PTPRD: variants seen among roughly 807,000 people sequenced by gnomAD.
PTPRD encodes receptor-type tyrosine-protein phosphatase delta.
A neutral mutation model predicts 214.5 loss-of-function variants in PTPRD; 34 were observed. The ratio of observed to expected loss-of-function variants is 0.16; its 90% CI spans 0.12 to 0.21. PTPRD has a LOEUF of 0.21. Among genes scored for constraint, PTPRD ranks in the 10% least tolerant of loss-of-function variants. The pLI is 1.00. For missense variants in PTPRD, 2,545 were observed against 2,398.7 expected (o/e 1.06, Z -1.27); for synonymous variants, 1,128 against 845.7 (o/e 1.33, Z -5.79).
intron 8 of PTPRD, among the ~76,000 whole-genome samples, chr9:9,459,628 C>G (rs2093441980): frequency 6.6e-6 from 1 of 152,028 alleles, no homozygotes. Context: ...CCTAGAAATA[C>G]TTTTAACCAA....
chr9:8,337,359 C>T (rs1000427499), intron 43 of PTPRD, among the ~76,000 whole-genome samples: 12 of 151,962 alleles, frequency 7.9e-5, no homozygotes, highest in African/African-American at 2.7e-4. Context: ...AACACAGGAA[C>T]AGAAAACCAA....
In PTPRD at chr9:9,448,946, T is replaced by C. The variant is rs547268769; in HGVS notation, c.-236-51464A>G. On this transcript the variant is annotated intron_variant, in intron 8 of 45. Coordinates refer to ENST00000381196, the MANE Select transcript of PTPRD (RefSeq NM_002839.4). ...AGAGAATGTTGTATCTAAAAAATGT[T>C]AGTTATTTGCACAGATGTCTGCTCT... 3.9e-5 allele frequency among the ~76,000 whole-genome samples: 6 copies of C among 152,188 alleles called. No individual in the cohort carries two copies. The South Asian group carries it at 1.0e-3, about 26-fold the overall frequency.
intron 38 of PTPRD, 124 bp downstream of exon 38, chr9:8,376,483 C>A (rs2083283976): frequency 7.3e-7 from 1 of 1,372,704 alleles, no homozygotes; most frequent in South Asian, 1.3e-5. Flanking sequence ...AGATCTATTT[C>A]ATTCTTCACT....
chr9:9,060,880 T>C (rs779856339), intron 10 of PTPRD, among the ~76,000 whole-genome samples: 4 of 152,202 alleles, frequency 2.6e-5, no homozygotes, highest in Non-Finnish European at 5.9e-5. Context: ...TTTTTCAGAA[T>C]AGTCCTATGA....
At chr9:9,645,414 C>T (rs932303464) in intron 7 of PTPRD, among the ~76,000 whole-genome samples, 4 of 147,916 alleles carry the variant, frequency 2.7e-5, no homozygotes, top group Admixed American at 6.8e-5. Flanking sequence ...TGTTGATTTG[C>T]TTTGTTTTTT....
intron 39 of PTPRD, among the ~76,000 whole-genome samples, chr9:8,351,776 A>G (rs1369812158): frequency 7.1e-6 from 1 of 141,470 alleles, no homozygotes; most frequent in Non-Finnish European, 1.5e-5. Context: ...AAAAAAATCT[A>G]GAGTTAGGGA....
chr9:8,889,222 A>C (rs906184765), intron 11 of PTPRD, among the ~76,000 whole-genome samples: 7 of 152,124 alleles, frequency 4.6e-5, no homozygotes, highest in Admixed American at 2.6e-4. Flanking sequence ...TATTTACTAA[A>C]ACCAGAAATA....
chr9:10,553,995 T>C (rs1191257596), intron 2 of PTPRD, among the ~76,000 whole-genome samples: 2 of 152,188 alleles, frequency 1.3e-5, no homozygotes, highest in African/African-American at 4.8e-5. Context: ...CCCTTTATTA[T>C]ATTTTCTTGG....
intron 35 of PTPRD, among the ~76,000 whole-genome samples, chr9:8,430,175 C>T (rs537664951): frequency 4.1e-4 from 62 of 152,214 alleles, no homozygotes; most frequent in African/African-American, 1.5e-3. Context: ...GAAAACTGTA[C>T]CTTGAGGACC....
At chr9:9,174,618 T>C (rs1234261374) in intron 10 of PTPRD, among the ~76,000 whole-genome samples, 2 of 152,152 alleles carry the variant, frequency 1.3e-5, no homozygotes, top group African/African-American at 2.4e-5. Flanking sequence ...CCTAAGTAAA[T>C]TGTAAACAAC....
At chr9:8,828,646 T>C (rs947593849) in intron 11 of PTPRD, among the ~76,000 whole-genome samples, 2 of 152,154 alleles carry the variant, frequency 1.3e-5, no homozygotes, top group Non-Finnish European at 1.5e-5. Context: ...TGATACCAGG[T>C]TCTGTAGCAG....
chr9:10,034,721 C>T (rs188046052), intron 3 of PTPRD, among the ~76,000 whole-genome samples: 7 of 152,080 alleles, frequency 4.6e-5, no homozygotes, highest in South Asian at 2.1e-4. Context: ...TAATGGTCTC[C>T]GGCTGCATCC....
At chr9:10,607,115 T>G (rs1567183829) in intron 2 of PTPRD, among the ~76,000 whole-genome samples, 1 of 151,890 alleles carries the variant, frequency 6.6e-6, no homozygotes, top group African/African-American at 2.4e-5. Context: ...TAATCGAATA[T>G]GAAATTATTC....
chr9:10,470,331 G>A (rs769980855), intron 2 of PTPRD, among the ~76,000 whole-genome samples: 2 of 152,020 alleles, frequency 1.3e-5, no homozygotes, highest in African/African-American at 2.4e-5. Context: ...AATATAAGAT[G>A]TATCTTATGT....
At chr9:9,048,399 A>C (rs2099677674) in intron 10 of PTPRD, among the ~76,000 whole-genome samples, 1 of 152,186 alleles carries the variant, frequency 6.6e-6, no homozygotes, top group African/African-American at 2.4e-5. Flanking sequence ...TTTAAAAGCA[A>C]CCTAAGTGTC....
chr9:10,111,480 C>T (rs931975119), intron 3 of PTPRD, among the ~76,000 whole-genome samples: 1 of 139,038 alleles, frequency 7.2e-6, no homozygotes, highest in Non-Finnish European at 1.7e-5. Context: ...CCTCGTGATC[C>T]GCCCGCCTCG....
chr9:8,815,584 G>C (rs771941136), intron 11 of PTPRD, among the ~76,000 whole-genome samples: 14 of 152,118 alleles, frequency 9.2e-5, no homozygotes, highest in Non-Finnish European at 1.3e-4. Context: ...TACAAATTTT[G>C]TCACTAATCA....
intron 8 of PTPRD, among the ~76,000 whole-genome samples, chr9:9,548,146 C>A (rs2154279495): frequency 6.6e-6 from 1 of 151,784 alleles, no homozygotes; most frequent in South Asian, 2.1e-4. Flanking sequence ...AAAGAAAATT[C>A]TTCAAGTTAA....
intron 8 of PTPRD, among the ~76,000 whole-genome samples, chr9:9,508,416 A>G (rs1210895837): frequency 2.6e-5 from 4 of 151,572 alleles, no homozygotes; most frequent in Non-Finnish European, 4.4e-5. Context: ...TTTTTCCATA[A>G]TGAAAGTAAA....
Sources: allele counts gnomAD v4.1 joint callset (sites outside exome capture counted in the v4.1 genomes callset), GRCh38; gene constraint gnomAD v4.1.1; transcripts MANE v1.5; gene names NCBI Gene and HGNC (gene_info 2026-07-23, HGNC 2026-07-21).